The following KLC3 variants were observed in gnomAD, a reference collection of about 807,000 sequenced individuals.
KLC3 encodes kinesin light chain 3.
KLC3 carries 72 observed loss-of-function variants against 62.9 expected under a neutral mutation model. The ratio of observed to expected loss-of-function variants is 1.15; its 90% CI spans 0.95 to 1.39. The LOEUF (loss-of-function observed/expected upper bound fraction) is 1.39, where lower values mean the gene tolerates loss of function less well. KLC3 is among the 40% of genes most tolerant of loss of function. The pLI is 0.00. For missense variants in KLC3, 848 were observed against 691.6 expected (o/e 1.23, Z -2.54); for synonymous variants, 377 against 300.5 (o/e 1.25, Z -2.63).
intron 11 of KLC3, 64 bp from the exon 12 acceptor site, chr19:45,350,890 G>A: frequency 6.4e-7 from 1 of 1,561,990 alleles, no homozygotes; most frequent in Admixed American, 1.7e-5. Flanking sequence ...GTGCTGGAAA[G>A]GTCCCTCGTG....
intron 1 of KLC3, among the ~76,000 whole-genome samples, chr19:45,342,256 G>T (rs1971410878): frequency 6.6e-6 from 1 of 152,074 alleles, no homozygotes; most frequent in African/African-American, 2.4e-5. Flanking sequence ...ATGTTTGTGT[G>T]TGAGGTGTGA....
Position 45,349,547 on chromosome 19 carries a change from A to G in KLC3, c.1088A>G (p.Tyr363Cys), listed in dbSNP as rs1342582272. The change falls in exon 8 of 13, where the codon TAT becomes TGT. Residue 363 changes from tyrosine to cysteine, a missense_variant. Coordinates refer to ENST00000391946, the MANE Select transcript of KLC3 (RefSeq NM_177417.3). ...CACTATGCCCGGGCCCTGAGCATCT[A>G]TGAGGCACTGGGCGGGCCCCATGAC... ...ERHYARALSIYEALGGPHDPN... is the reference protein window; with the variant it reads ...ERHYARALSICEALGGPHDPN... The G allele has an allele frequency of 1.2e-6, 2 of 1,613,752 alleles. No homozygotes were observed. Among genetic ancestry groups the G allele is most frequent in the African/African-American group, 2.7e-5 (2 of 74,874 alleles).
intron 1 of KLC3, among the ~76,000 whole-genome samples, chr19:45,343,007 A>G (rs1212713437): frequency 6.6e-6 from 1 of 152,216 alleles, no homozygotes; most frequent in African/African-American, 2.4e-5. Context: ...GCGTATTCAC[A>G]GCTCTCTGTT....
Position 45,345,645 on chromosome 19 carries a change from A to G in KLC3, c.104A>G (p.Glu35Gly), listed in dbSNP as rs1971472703. Reference protein sequence around the residue: ...RQTRQVVQGLEALRAEHHGLA... With the variant: ...RQTRQVVQGLGALRAEHHGLA... ...ACGCGGCAAGTGGTCCAGGGGCTGG[A>G]GGCGCTGCGGGCAGAGCACCATGGC... Residue 35 changes from glutamate (E) to glycine (G), a missense_variant, in exon 2 of 13, where the codon GAG becomes GGG. By Grantham distance (98) the Glu-to-Gly change is moderately conservative. Transcript: ENST00000391946. 3 of 1,584,648 alleles carry G rather than the reference A, an allele frequency of 1.9e-6. No homozygotes were observed. Among genetic ancestry groups the G allele is most frequent in the Non-Finnish European group, 2.6e-6 (3 of 1,166,998 alleles).
At position 45,348,386 on chromosome 19, in the gene KLC3, A is replaced by C. The variant is rs529982250; in HGVS notation, c.779+226A>C. On this transcript the variant is annotated intron_variant, in intron 5 of 12. Coordinates refer to ENST00000391946, the MANE Select transcript of KLC3 (RefSeq NM_177417.3). Reference sequence around the variant, plus strand: ...ACTGAGCCAGGCAGAGAGGAGTCAGAGAGCACGGACACCAGGGACCCCAAC... The same window carrying C: ...ACTGAGCCAGGCAGAGAGGAGTCAGCGAGCACGGACACCAGGGACCCCAAC... Among the ~76,000 whole-genome samples the C allele has an allele frequency of 2.6e-5, 4 of 151,592 alleles. No individual in the cohort carries two copies. The South Asian group carries it at 8.3e-4, about 31-fold the overall frequency.
At chr19:45,341,578 T>TGTGCGCGC in intron 1 of KLC3, among the ~76,000 whole-genome samples, 6 of 139,902 alleles carry the variant, frequency 4.3e-5, no homozygotes, top group African/African-American at 8.0e-5. Context: ...TGTGTGTGTG[T>TGTGCGCGC]GCGCGCGCGC....
At chr19:45,346,968 C>T (rs1971514068) in intron 3 of KLC3, 194 bp downstream of exon 3, 2 of 563,294 alleles carry the variant, frequency 3.6e-6, no homozygotes, top group Admixed American at 6.5e-5. Flanking sequence ...CACAGACGCC[C>T]CCACTAGCTA....
At chr19:45,349,878 C>T in intron 8 of KLC3, 1 of 480,002 alleles carries the variant, frequency 2.1e-6, no homozygotes. Context: ...TGGCCGGCTC[C>T]CCTCTTAGCC....
chr19:45,341,079 G>C (rs1338234364), intron 1 of KLC3, among the ~76,000 whole-genome samples: 1 of 151,874 alleles, frequency 6.6e-6, no homozygotes, highest in Non-Finnish European at 1.5e-5. Flanking sequence ...GAGGGAGGGG[G>C]CCCTTGTGAC....
chr19:45,348,111 T>TGCCACCCTGACGTGGCCACC lies in KLC3; in HGVS notation c.731_750dup (p.Met251AlafsTer117), dbSNP rs765256771. 8.7e-6 allele frequency: 14 copies of TGCCACCCTGACGTGGCCACC among 1,602,140 alleles called. No homozygotes were observed. In the South Asian group the frequency reaches 1.3e-4, roughly 15 times the overall value. ...GGACCTGGAGCGCAGCTCGGGCCAC[T>TGCCACCCTGACGTGGCCACC]GCCACCCTGACGTGGCCACCATGCT... On this transcript the variant is annotated frameshift_variant, in exon 5 of 13. Transcript: ENST00000391946. LOFTEE classifies it high-confidence loss of function.
rs199939662 is a variant in KLC3, at chr19:45,349,536, C to T, written c.1077C>T (p.Ala359=). 1.9e-4 allele frequency: 305 copies of T among 1,614,050 alleles called. 1 individual carries two copies. In the African/African-American group the frequency reaches 3.3e-3, roughly 17 times the overall value. The change falls in exon 8 of 13, where the codon GCC becomes GCT. Residue 359 remains alanine (A), a synonymous_variant. Transcript: ENST00000391946. ...FEDVERHYAR[A]LSIYEALGGP... is the part of the protein sequence containing the mutation. ...ACGTGGAGCGGCACTATGCCCGGGC[C>T]CTGAGCATCTATGAGGCACTGGGCG...
chr19:45,344,927 C>T (rs74915), intron 1 of KLC3: 60,531 of 155,606 alleles, frequency 0.39, 14,298 homozygotes, highest in African/African-American at 0.67. Flanking sequence ...CAACACATGG[C>T]CCCATCCTCA....
rs760494520 is a variant in KLC3 at position 45,349,651 on chromosome 19, T to G, written c.1143+49T>G. The G allele has an allele frequency of 5.2e-6, 7 of 1,352,880 alleles. No individual in the cohort carries two copies. In the East Asian group the frequency reaches 7.4e-5, roughly 14 times the overall value. The allele number at this position is 1,352,880 out of a possible 1,614,324, so 83.8% of individuals were successfully genotyped here. ...GGGCCAAGAGTGGAGGGTCCTGCCC[T>G]GGGGAGGCACCCATTGGTTGGATAC... On this transcript the variant is annotated intron_variant, in intron 8 of 12. Coordinates refer to ENST00000391946, the MANE Select transcript of KLC3 (RefSeq NM_177417.3).
chr19:45,349,003 C>A, intron 7 of KLC3, 82 bp downstream of exon 7: 1 of 1,249,302 alleles, frequency 8.0e-7, no homozygotes, highest in Non-Finnish European at 1.1e-6. Flanking sequence ...TACATCGTGA[C>A]CCTGACCCTC....
At position 45,347,476 on chromosome 19, in the gene KLC3, C is replaced by T. The variant is rs1361166451; in HGVS notation, c.519C>T (p.Ser173=). ...QQSESPPRRD[S]LASLFPSEEE... ...CTGAGTCCCCGCCTCGCCGAGACAGCCTGGCCTCCCTGTTCCCCAGCGAGG... is the reference window on the plus strand; with the variant it reads ...CTGAGTCCCCGCCTCGCCGAGACAGTCTGGCCTCCCTGTTCCCCAGCGAGG... Residue 173 remains serine, a synonymous_variant, in exon 4 of 13, where the codon AGC becomes AGT. Transcript: ENST00000391946. 1.2e-6 allele frequency: 2 copies of T among 1,612,484 alleles called. No homozygotes were observed. Among genetic ancestry groups the T allele is most frequent in the South Asian group, 2.2e-5 (2 of 90,880 alleles).
intron 1 of KLC3, among the ~76,000 whole-genome samples, chr19:45,341,579 G>GTGTGCGCA (rs1394008746): frequency 3.4e-5 from 3 of 87,018 alleles, no homozygotes; most frequent in Non-Finnish European, 5.9e-5. Flanking sequence ...GTGTGTGTGT[G>GTGTGCGCA]CGCGCGCGCG....
intron 12 of KLC3, 21 bp downstream of exon 12, chr19:45,351,038 A>C: frequency 3.1e-6 from 5 of 1,614,060 alleles, no homozygotes; most frequent in Non-Finnish European, 4.2e-6. Flanking sequence ...CATCTGGGTC[A>C]AAAATAGAGG....
In KLC3 at chr19:45,345,382, G is replaced by A. The variant is rs1448068316; in HGVS notation, c.-8-152G>A. The A allele has an allele frequency of 9.6e-6, 9 of 941,052 alleles. No homozygotes were observed. In the East Asian group the frequency reaches 2.4e-4, roughly 25 times the overall value. The allele number at this position is 941,052 out of a possible 1,614,324, so 58.3% of individuals were successfully genotyped here. A position where few individuals can be genotyped will look rare whatever the true frequency, so the allele number is the denominator to read the frequency against. On this transcript the variant is annotated intron_variant, in intron 1 of 12. Coordinates refer to ENST00000391946, the MANE Select transcript of KLC3 (RefSeq NM_177417.3). ...GTGGAGACTGGGATGGAGAGGGTGT[G>A]GAGGCAGAGGGCTGGCCAGGATGGG...
Position 45,342,150 on chromosome 19 carries a change from A to G in KLC3, c.-9+1304A>G, listed in dbSNP as rs76578741. 9.0e-3 allele frequency among the ~76,000 whole-genome samples: 1,364 copies of G among 152,122 alleles called. 14 individuals carry two copies. The highest frequency in any genetic ancestry group is 0.016 in the Non-Finnish European group (1,074 of 67,990). ...TGTGTAAGGCTGTGTCTGAGGTTAT[A>G]GAGGGAGGTTTTACATCGGCAAAAT... On this transcript the variant is annotated intron_variant, in intron 1 of 12. Coordinates refer to ENST00000391946, the MANE Select transcript of KLC3 (RefSeq NM_177417.3).
Sources: gnomAD v4.1 joint callset for allele counts (sites outside exome capture counted in the v4.1 genomes callset) on GRCh38, gnomAD v4.1.1 for gene constraint, MANE v1.5 for transcripts, NCBI Gene and HGNC (gene_info 2026-07-23, HGNC 2026-07-21) for gene names.